COL14A1: variants seen among roughly 807,000 people sequenced by gnomAD.
The protein encoded by COL14A1 is collagen alpha-1(XIV) chain.
COL14A1 carries 136 observed loss-of-function variants against 230.3 expected under a neutral mutation model. The observed-to-expected ratio is 0.59, with a 90% confidence interval of 0.51 to 0.68. The LOEUF is 0.68. COL14A1 is among the 30% of genes least tolerant of loss of function. The pLI, the probability that COL14A1 is intolerant of heterozygous loss-of-function variation, is 0.00. For missense variants in COL14A1, 1,976 were observed against 2,215.8 expected (o/e 0.89, Z 2.17); for synonymous variants, 792 against 784.1 (o/e 1.01, Z -0.17).
intron 45 of COL14A1, among the ~76,000 whole-genome samples, chr8:120,357,486 T>C (rs916399230): frequency 1.3e-5 from 2 of 152,190 alleles, no homozygotes; most frequent in Non-Finnish European, 2.9e-5. Flanking sequence ...AAGCTTTTAC[T>C]TTCACCATAT....
intron 2 of COL14A1, among the ~76,000 whole-genome samples, chr8:120,154,427 A>G (rs919259137): frequency 2.0e-5 from 3 of 152,164 alleles, no homozygotes; most frequent in African/African-American, 4.8e-5. Context: ...ACAAAGCACA[A>G]CACAGCACAG....
chr8:120,166,257 A>G (rs912940919), intron 4 of COL14A1, among the ~76,000 whole-genome samples: 1 of 152,216 alleles, frequency 6.6e-6, no homozygotes, highest in Non-Finnish European at 1.5e-5. Flanking sequence ...AACCACATTT[A>G]GGAACTAGTG....
At chr8:120,294,434 CT>C (rs57256972) in intron 34 of COL14A1, among the ~76,000 whole-genome samples, 132 of 136,904 alleles carry the variant, frequency 9.6e-4, no homozygotes, top group East Asian at 2.8e-3. Flanking sequence ...GTCTCTTCCT[CT>C]TTTTTTTTTT....
intron 5 of COL14A1, among the ~76,000 whole-genome samples, chr8:120,174,709 AGGTGTCTT>A (rs1816217458): frequency 1.3e-5 from 2 of 152,196 alleles, no homozygotes; most frequent in Non-Finnish European, 1.5e-5. Flanking sequence ...TATGGAAAAT[AGGTGTCTT>A]CCTCTTTCAG....
chr8:120,281,157 A>C, intron 31 of COL14A1, 98 bp downstream of exon 31: 2 of 1,168,268 alleles, frequency 1.7e-6, no homozygotes, highest in African/African-American at 1.6e-5. Flanking sequence ...AGTCCCAGGT[A>C]GGATTTTCCA....
rs150047868 is a variant in COL14A1, at chr8:120,211,476, C to T, written c.1468-972C>T. ...GTTTATAGATATATCTATACACATACAGAAGTACAAAAATGCAGCAGTAAG... is the reference window on the plus strand; with the variant it reads ...GTTTATAGATATATCTATACACATATAGAAGTACAAAAATGCAGCAGTAAG... On this transcript the variant is annotated intron_variant, in intron 12 of 47. Coordinates refer to ENST00000297848, the MANE Select transcript of COL14A1 (RefSeq NM_021110.4). Among the ~76,000 whole-genome samples, 10 of 152,156 alleles carry T rather than the reference C, an allele frequency of 6.6e-5. No homozygotes were observed. In the East Asian group the frequency reaches 1.7e-3, roughly 26 times the overall value.
At chr8:120,199,136 T>C (rs891832566) in intron 7 of COL14A1, among the ~76,000 whole-genome samples, 6 of 152,198 alleles carry the variant, frequency 3.9e-5, no homozygotes, top group African/African-American at 1.4e-4. Context: ...AAATCTATTA[T>C]CATCCATTGG....
chr8:120,271,441 T>C (rs1238948725), intron 26 of COL14A1, among the ~76,000 whole-genome samples: 1 of 151,466 alleles, frequency 6.6e-6, no homozygotes, highest in Non-Finnish European at 1.5e-5. Flanking sequence ...GCAAATAGAT[T>C]CACAAGGTAG....
chr8:120,207,514 G>T (rs1817475349), intron 10 of COL14A1, among the ~76,000 whole-genome samples: 1 of 152,124 alleles, frequency 6.6e-6, no homozygotes, highest in Non-Finnish European at 1.5e-5. Context: ...GTCCTCCAAG[G>T]CTTGGAGTTT....
At chr8:120,146,275 A>G (rs1815086750) in intron 1 of COL14A1, among the ~76,000 whole-genome samples, 1 of 152,188 alleles carries the variant, frequency 6.6e-6, no homozygotes, top group Non-Finnish European at 1.5e-5. Flanking sequence ...AACCATGGGA[A>G]AACTTCTACT....
intron 20 of COL14A1, among the ~76,000 whole-genome samples, chr8:120,246,898 A>C (rs1366850938): frequency 6.6e-6 from 1 of 152,206 alleles, no homozygotes; most frequent in East Asian, 1.9e-4. Flanking sequence ...ATAAAATCAG[A>C]ATCTTACCTC....
At chr8:120,191,001 G>T (rs1345021603) in intron 5 of COL14A1, among the ~76,000 whole-genome samples, 28 of 146,188 alleles carry the variant, frequency 1.9e-4, no homozygotes, top group Admixed American at 1.3e-3. Context: ...ACCAGCTCCT[G>T]GATTCATTAA....
intron 36 of COL14A1, among the ~76,000 whole-genome samples, chr8:120,308,315 A>G (rs1381322258): frequency 6.6e-6 from 1 of 152,226 alleles, no homozygotes; most frequent in East Asian, 1.9e-4. Flanking sequence ...AAATTGTGGG[A>G]ATAAAACTAC....
intron 34 of COL14A1, among the ~76,000 whole-genome samples, chr8:120,292,867 G>A (rs1820413659): frequency 2.0e-5 from 3 of 151,962 alleles, no homozygotes. Flanking sequence ...ATAGATTAAT[G>A]CATTTAAGGA....
At chr8:120,159,545 A>T (rs1308611012) in intron 3 of COL14A1, among the ~76,000 whole-genome samples, 1 of 152,132 alleles carries the variant, frequency 6.6e-6, no homozygotes, top group Admixed American at 6.5e-5. Flanking sequence ...TTTCCAAAAG[A>T]TACAGTGAAG....
At chr8:120,227,172 CT>C (rs747881677) in intron 16 of COL14A1, 47 bp from the exon 17 acceptor site, 24 of 1,591,724 alleles carry the variant, frequency 1.5e-5, no homozygotes, top group Admixed American at 1.0e-4. Flanking sequence ...TTTTTCTTTA[CT>C]TTTTTTTCAA....
At chr8:120,140,410 T>G (rs539562278) in intron 1 of COL14A1, among the ~76,000 whole-genome samples, 1 of 152,304 alleles carries the variant, frequency 6.6e-6, no homozygotes, top group African/African-American at 2.4e-5. Context: ...TTTCTTATTA[T>G]CAAGTACAGT....
rs1306450808 is a variant in COL14A1, at chr8:120,218,116, ATATC to A, written c.1737+1630_1737+1633del. ...TATAAATACATAAATATATAAGTAT[ATATC>A]TATATAAAAATATATAATATATAAA... On this transcript the variant is annotated intron_variant, in intron 14 of 47. Transcript: ENST00000297848. Among the ~76,000 whole-genome samples the A allele has an allele frequency of 7.1e-3, 989 of 140,244 alleles. 11 individuals are homozygous for A. The highest frequency in any genetic ancestry group is 0.024 in the African/African-American group (909 of 38,254). 92.0% of individuals were successfully genotyped at this position (140,244 alleles called of 152,430 possible).
chr8:120,255,434 C>A (rs1239241387), intron 23 of COL14A1, 78 bp downstream of exon 23: 12 of 1,083,468 alleles, frequency 1.1e-5, no homozygotes, highest in Non-Finnish European at 1.6e-5. Context: ...GTACAACACA[C>A]AAGTAGCATT....
Sources: allele counts gnomAD v4.1 joint callset (sites outside exome capture counted in the v4.1 genomes callset), GRCh38; gene constraint gnomAD v4.1.1; transcripts MANE v1.5; gene names NCBI Gene and HGNC (gene_info 2026-07-23, HGNC 2026-07-21).